The following FAM234A variants were observed in gnomAD, a reference collection of about 807,000 sequenced individuals.
The protein encoded by FAM234A is family with sequence similarity 234 member A.
Under a neutral mutation model 49.1 loss-of-function variants are expected in FAM234A, and 42 were observed. That is an observed-to-expected ratio of 0.86 (90% CI 0.67 to 1.11). The LOEUF (loss-of-function observed/expected upper bound fraction) is 1.11, where lower values mean the gene tolerates loss of function less well. Among genes scored for constraint, FAM234A ranks in the 50% least tolerant of loss-of-function variants. FAM234A has a pLI of 0.00. For synonymous variants in FAM234A, 369 were observed against 316.2 expected (o/e 1.17, Z -1.77); for missense variants, 815 against 745.2 (o/e 1.09, Z -1.09).
At chr16:245,012 C>G (rs2050757096) in intron 1 of FAM234A, among the ~76,000 whole-genome samples, 1 of 151,766 alleles carries the variant, frequency 6.6e-6, no homozygotes, top group African/African-American at 2.4e-5. Flanking sequence ...ATTTCAAATT[C>G]CCACGACTAT....
chr16:235,056 G>A (rs1046890676), intron 1 of FAM234A, among the ~76,000 whole-genome samples, 199 bp downstream of exon 1: 2 of 152,246 alleles, frequency 1.3e-5, no homozygotes, highest in African/African-American at 4.8e-5. Flanking sequence ...GTCCCTCAGC[G>A]GGTCGGCAGC....
At chr16:238,219 A>G (rs1399638624) in intron 1 of FAM234A, among the ~76,000 whole-genome samples, 1 of 152,092 alleles carries the variant, frequency 6.6e-6, no homozygotes, top group Non-Finnish European at 1.5e-5. Flanking sequence ...AGGTTTCGCC[A>G]TGTTGGCCAG....
rs376899788 is a variant in FAM234A at position 260,200 on chromosome 16, T to C, written c.577+40T>C. The C allele has an allele frequency of 3.2e-6, 5 of 1,582,872 alleles. No individual in the cohort carries two copies. In the Admixed American group the frequency reaches 8.4e-5, roughly 26 times the overall value. ...CAGCGGGGTTCTCACTGAGGGCCTC[T>C]CACCTGAGCCACCTCACCCTGAGGG... On this transcript the variant is annotated intron_variant, in intron 5 of 12. Transcript: ENST00000399932.
chr16:268,656 T>C (rs2051779987), downstream of FAM234A: 1 of 1,014,808 alleles, frequency 9.9e-7, no homozygotes, highest in African/African-American at 1.6e-5. Context: ...GGAAAGCAGG[T>C]GCCGGCGCAC....
downstream of FAM234A, chr16:269,319 C>A: frequency 6.3e-7 from 1 of 1,599,210 alleles, no homozygotes; most frequent in Admixed American, 1.7e-5. Context: ...GTGGGCTCCA[C>A]AGGGGTGGGA....
At chr16:268,844 C>T (rs373457082), downstream of FAM234A, 179 of 1,550,396 alleles carry the variant, frequency 1.2e-4, no homozygotes, top group East Asian at 2.0e-4. Context: ...TGCATGTCCG[C>T]GTCTTGTGAC....
intron 7 of FAM234A, 23 bp from the exon 8 acceptor site, chr16:262,400 CG>C (rs995364863): frequency 6.3e-7 from 1 of 1,579,446 alleles, no homozygotes; most frequent in Non-Finnish European, 8.6e-7. Context: ...CTGGTGACCT[CG>C]GGCCCTTCTG....
intron 8 of FAM234A, among the ~76,000 whole-genome samples, chr16:262,758 T>C (rs1162446495): frequency 6.6e-6 from 1 of 151,768 alleles, no homozygotes; most frequent in Admixed American, 6.6e-5. Flanking sequence ...TTCCCGACGC[T>C]GTGCCTGTCT....
chr16:253,237 A>T (rs2051092670), intron 2 of FAM234A, among the ~76,000 whole-genome samples: 1 of 152,156 alleles, frequency 6.6e-6, no homozygotes, highest in African/African-American at 2.4e-5. Context: ...AGCAGGAACC[A>T]GGGGAAGGAG....
intron 3 of FAM234A, among the ~76,000 whole-genome samples, chr16:256,456 G>A (rs527472730): frequency 5.9e-5 from 9 of 152,138 alleles, no homozygotes; most frequent in African/African-American, 2.2e-4. Context: ...GTGAGTTTTA[G>A]CCATTCTTGC....
intron 2 of FAM234A, among the ~76,000 whole-genome samples, chr16:250,602 T>G (rs752177992): frequency 3.9e-5 from 6 of 152,182 alleles, no homozygotes; most frequent in Non-Finnish European, 7.3e-5. Flanking sequence ...TGTGGTAAAA[T>G]GTACATAACG....
At position 265,026 on chromosome 16, in the gene FAM234A, C is replaced by T. The variant is rs2051644538; in HGVS notation, c.*4C>T. 4 of 1,593,978 alleles carry T rather than the reference C, an allele frequency of 2.5e-6. No homozygotes were observed. The highest frequency in any genetic ancestry group is 3.4e-6 in the Non-Finnish European group (4 of 1,167,806). On this transcript the variant is annotated 3_prime_UTR_variant, in exon 13 of 13. Coordinates refer to ENST00000399932, the MANE Select transcript of FAM234A (RefSeq NM_032039.4). ...GCGGTACCAGAGTGAGGCGTAGAGG[C>T]ACGCCAGCCAGAGCCTGTGGAGAGA...
intron 9 of FAM234A, 82 bp downstream of exon 9, chr16:263,484 C>G (rs1596853695): frequency 1.3e-6 from 2 of 1,560,074 alleles, no homozygotes; most frequent in East Asian, 4.6e-5. Context: ...GGCGAGGAGA[C>G]AGCGCTGGGG....
intron 1 of FAM234A, among the ~76,000 whole-genome samples, chr16:242,612 C>CTT (rs1352877144): frequency 1.9e-3 from 259 of 137,844 alleles, no homozygotes; most frequent in African/African-American, 6.1e-3. Context: ...GTGTCAGCTC[C>CTT]TTTTTTTTTT....
chr16:265,415 TAGAA>T lies in FAM234A; in HGVS notation c.*398_*401del. The T allele has an allele frequency of 9.9e-7, 1 of 1,014,726 alleles. No individual in the cohort carries two copies. The allele number at this position is 1,014,726 out of a possible 1,614,324, so 62.9% of individuals were successfully genotyped here. ...TCCCCAGGCCAGAGCGGCCATCGCGTAGAAAGAACCAGGGTGTCCCCGGGACAGG... is the reference window on the plus strand; with the variant it reads ...TCCCCAGGCCAGAGCGGCCATCGCGTAGAACCAGGGTGTCCCCGGGACAGG... On this transcript the variant is annotated 3_prime_UTR_variant, in exon 13 of 13. Transcript: ENST00000399932.
chr16:251,681 T>TTTTG (rs1447533792), intron 2 of FAM234A, among the ~76,000 whole-genome samples: 1 of 130,942 alleles, frequency 7.6e-6, no homozygotes, highest in African/African-American at 3.2e-5. Flanking sequence ...CTAGCCAGGT[T>TTTTG]TTTTTTTTTT....
intron 1 of FAM234A, among the ~76,000 whole-genome samples, chr16:241,292 C>G (rs576940805): frequency 1.1e-4 from 17 of 150,166 alleles, no homozygotes; most frequent in Non-Finnish European, 2.2e-4. Context: ...AAAAAGCTGT[C>G]TGCTTCAGGC....
Position 265,855 on chromosome 16 carries a change from CCGTGCCCCAGGCAT to C in FAM234A, c.*834_*847del. 1.0e-6 allele frequency: 1 copy of C among 986,016 alleles called. No individual in the cohort carries two copies. The highest frequency in any genetic ancestry group is 1.2e-6 in the Non-Finnish European group (1 of 830,234). The allele number at this position is 986,016 out of a possible 1,614,324, so 61.1% of individuals were successfully genotyped here. A position where few individuals can be genotyped will look rare whatever the true frequency, so the allele number is the denominator to read the frequency against. Reference sequence around the variant, plus strand: ...GAGCTGCTCTGTCCCTGAAGAGGCCCCGTGCCCCAGGCATGGCAAGCGCCTGCCTCTCCCCTTCC... The same window carrying C: ...GAGCTGCTCTGTCCCTGAAGAGGCCCGGCAAGCGCCTGCCTCTCCCCTTCC... On this transcript the variant is annotated 3_prime_UTR_variant, in exon 13 of 13. Transcript: ENST00000399932.
chr16:241,277 A>AAG (rs1170286068), intron 1 of FAM234A, among the ~76,000 whole-genome samples: 5 of 150,652 alleles, frequency 3.3e-5, no homozygotes, highest in African/African-American at 4.9e-5. Context: ...AAAAGAAAGA[A>AAG]AAAAAAAAAG....
Sources: gnomAD v4.1 joint callset for allele counts (sites outside exome capture counted in the v4.1 genomes callset) on GRCh38, gnomAD v4.1.1 for gene constraint, MANE v1.5 for transcripts, NCBI Gene and HGNC (gene_info 2026-07-23, HGNC 2026-07-21) for gene names.